Variants in UNC5D observed in about 807,000 individuals in gnomAD.
The protein encoded by UNC5D is unc-5 netrin receptor D, also known as netrin receptor UNC5D.
UNC5D carries 39 observed loss-of-function variants against 105.4 expected under a neutral mutation model. That is an observed-to-expected ratio of 0.37 (90% CI 0.29 to 0.48). The LOEUF (loss-of-function observed/expected upper bound fraction) is 0.48. Ranked by LOEUF, UNC5D falls within the 20% of genes least tolerant of loss-of-function variation. The pLI, the probability that UNC5D is intolerant of heterozygous loss-of-function variation, is 0.98. For missense variants in UNC5D, 991 were observed against 1,202.4 expected (o/e 0.82, Z 2.60); for synonymous variants, 452 against 450.4 (o/e 1.00, Z -0.04).
rs556824509 is a variant in UNC5D, at chr8:35,545,661, A to T, written c.104-3631A>T. On this transcript the variant is annotated intron_variant, in intron 1 of 16. Transcript: ENST00000404895. ...TTCGCTATACAAAGCCAAAAAAAAA[A>T]AAGATTCTTATTTTCACCTACCTCA... Among the ~76,000 whole-genome samples, 3 of 152,266 alleles carry T rather than the reference A, an allele frequency of 2.0e-5. No homozygotes were observed. The South Asian group carries it at 6.2e-4, about 32-fold the overall frequency.
chr8:35,572,153 TGGC>T (rs1168099296), intron 3 of UNC5D, among the ~76,000 whole-genome samples: 1 of 151,528 alleles, frequency 6.6e-6, no homozygotes, highest in Non-Finnish European at 1.5e-5. Flanking sequence ...GCAGGCACAG[TGGC>T]ATGTGCCTGT....
intron 9 of UNC5D, chr8:35,724,409 G>C: frequency 4.4e-6 from 5 of 1,148,780 alleles, no homozygotes; most frequent in Non-Finnish European, 5.9e-6. Context: ...CAGTGCCCCG[G>C]CAAGGTGAAC....
At chr8:35,647,796 A>G (rs1314789436) in intron 4 of UNC5D, among the ~76,000 whole-genome samples, 1 of 152,192 alleles carries the variant, frequency 6.6e-6, no homozygotes, top group Non-Finnish European at 1.5e-5. Flanking sequence ...GGCTTCTTTT[A>G]TCTTTTAATC....
At chr8:35,728,095 A>AATATATAT (rs1554596595) in intron 10 of UNC5D, among the ~76,000 whole-genome samples, 56 of 110,314 alleles carry the variant, frequency 5.1e-4, no homozygotes, top group African/African-American at 2.9e-3. Flanking sequence ...AAAAAAAAAA[A>AATATATAT]ATATATATAT....
chr8:35,413,978 A>C (rs1367762061), intron 1 of UNC5D, among the ~76,000 whole-genome samples: 1 of 152,132 alleles, frequency 6.6e-6, no homozygotes, highest in Non-Finnish European at 1.5e-5. Context: ...TTCTAGGGCC[A>C]TTAAAGCTGA....
chr8:35,271,542 A>G (rs893789757), intron 1 of UNC5D, among the ~76,000 whole-genome samples: 5 of 142,504 alleles, frequency 3.5e-5, no homozygotes, highest in South Asian at 2.1e-4. Flanking sequence ...TATATTTTAT[A>G]TATGTATACA....
intron 1 of UNC5D, among the ~76,000 whole-genome samples, chr8:35,238,289 C>T (rs1802594527): frequency 1.3e-5 from 2 of 151,882 alleles, no homozygotes; most frequent in South Asian, 4.1e-4. Flanking sequence ...CTCTGCAAAT[C>T]AGAGGGAGAT....
intron 3 of UNC5D, among the ~76,000 whole-genome samples, chr8:35,572,719 A>G (rs1817821162): frequency 6.6e-6 from 1 of 152,198 alleles, no homozygotes; most frequent in African/African-American, 2.4e-5. Context: ...ACATGCATGC[A>G]AATCAACCAG....
At chr8:35,571,173 T>A (rs1392635216) in intron 3 of UNC5D, among the ~76,000 whole-genome samples, 1 of 152,172 alleles carries the variant, frequency 6.6e-6, no homozygotes, top group Non-Finnish European at 1.5e-5. Context: ...GTTCTATCAC[T>A]TCCCACCTTT....
chr8:35,747,448 C>T (rs1462886484), intron 11 of UNC5D, among the ~76,000 whole-genome samples: 1 of 152,068 alleles, frequency 6.6e-6, no homozygotes. Context: ...CTTTTTTGGT[C>T]AAGGATGAAG....
intron 1 of UNC5D, among the ~76,000 whole-genome samples, chr8:35,261,149 T>G (rs1418971044): frequency 1.3e-5 from 2 of 152,242 alleles, no homozygotes; most frequent in Non-Finnish European, 2.9e-5. Flanking sequence ...AGTTTTTTAG[T>G]GCTGCTTCAG....
chr8:35,441,524 TC>T (rs1807400389), intron 1 of UNC5D, among the ~76,000 whole-genome samples: 1 of 151,840 alleles, frequency 6.6e-6, no homozygotes, highest in Non-Finnish European at 1.5e-5. Flanking sequence ...TTTAGTCTCC[TC>T]CACTTCCTTT....
intron 10 of UNC5D, among the ~76,000 whole-genome samples, chr8:35,730,185 A>G (rs1454570154): frequency 2.0e-5 from 3 of 152,256 alleles, no homozygotes; most frequent in Non-Finnish European, 4.4e-5. Context: ...TACATTAAAG[A>G]GAATCCCTGC....
intron 9 of UNC5D, chr8:35,724,220 C>T: frequency 6.6e-7 from 1 of 1,522,708 alleles, no homozygotes; most frequent in Non-Finnish European, 8.8e-7. Flanking sequence ...ACCAAACTTA[C>T]CTGACCATTT....
chr8:35,560,980 G>C (rs927146290), intron 2 of UNC5D, among the ~76,000 whole-genome samples: 1 of 152,148 alleles, frequency 6.6e-6, no homozygotes, highest in Non-Finnish European at 1.5e-5. Flanking sequence ...ATAGTAGGGT[G>C]CCCTGGTCCC....
At chr8:35,585,707 G>T (rs1461137312) in intron 3 of UNC5D, among the ~76,000 whole-genome samples, 1 of 151,694 alleles carries the variant, frequency 6.6e-6, no homozygotes, top group African/African-American at 2.4e-5. Flanking sequence ...TATGATCTTT[G>T]TTGCTTCCTT....
At chr8:35,415,966 T>C (rs1805504362) in intron 1 of UNC5D, among the ~76,000 whole-genome samples, 1 of 152,100 alleles carries the variant, frequency 6.6e-6, no homozygotes, top group Non-Finnish European at 1.5e-5. Flanking sequence ...CAAAGTGAAG[T>C]TTTGTTATTG....
chr8:35,263,689 A>G (rs1256544664), intron 1 of UNC5D, among the ~76,000 whole-genome samples: 1 of 152,272 alleles, frequency 6.6e-6, no homozygotes, highest in Non-Finnish European at 1.5e-5. Flanking sequence ...GTAAGCCTTC[A>G]TAATAGTAGA....
intron 1 of UNC5D, among the ~76,000 whole-genome samples, chr8:35,243,810 T>A (rs573910444): frequency 1.3e-5 from 2 of 152,312 alleles, no homozygotes; most frequent in African/African-American, 4.8e-5. Flanking sequence ...ACCCAGTACC[T>A]GATAGGGCTT....
Sources: allele counts gnomAD v4.1 joint callset (sites outside exome capture counted in the v4.1 genomes callset), GRCh38; gene constraint gnomAD v4.1.1; transcripts MANE v1.5; gene names NCBI Gene and HGNC (gene_info 2026-07-23, HGNC 2026-07-21).